ZNF407: variants seen among roughly 807,000 people sequenced by gnomAD.
ZNF407 encodes zinc finger protein 407.
ZNF407 carries 17 observed loss-of-function variants against 131.2 expected under a neutral mutation model. The ratio of observed to expected loss-of-function variants is 0.13; its 90% CI spans 0.09 to 0.19. ZNF407 has a LOEUF of 0.19. Among genes scored for constraint, ZNF407 ranks in the 10% least tolerant of loss-of-function variants. The pLI, the probability that ZNF407 is intolerant of heterozygous loss-of-function variation, is 1.00. For missense variants in ZNF407, 2,681 were observed against 2,830.6 expected, an observed-to-expected ratio of 0.95 and a Z score of 1.20; for synonymous variants, 1,156 against 1,062.0, an observed-to-expected ratio of 1.09 and a Z score of -1.72.
At chr18:74,766,132 C>G (rs982442693) in intron 3 of ZNF407, among the ~76,000 whole-genome samples, 10 of 151,894 alleles carry the variant, frequency 6.6e-5, no homozygotes, top group Non-Finnish European at 1.0e-4. Context: ...TGGTCTCATG[C>G]AACAATGGGA....
chr18:74,755,885 C>CTTCCTCTTTTCCTTCCT (rs1968946067), intron 3 of ZNF407, among the ~76,000 whole-genome samples: 14 of 25,844 alleles, frequency 5.4e-4, no homozygotes, highest in African/African-American at 2.8e-3. Context: ...CTTTTCCTTC[C>CTTCCTCTTTTCCTTCCT]TTTTTTTTTT....
chr18:75,000,604 A>G (rs1411397174), intron 8 of ZNF407, among the ~76,000 whole-genome samples: 4 of 152,226 alleles, frequency 2.6e-5, no homozygotes, highest in Non-Finnish European at 4.4e-5. Context: ...GGCTAAAGCA[A>G]TAACTATGCA....
At chr18:74,729,597 ATGC>A (rs1172581380) in intron 3 of ZNF407, among the ~76,000 whole-genome samples, 4 of 152,134 alleles carry the variant, frequency 2.6e-5, no homozygotes, top group Admixed American at 2.6e-4. Flanking sequence ...TATATAAAAT[ATGC>A]TGTGTTCTGT....
chr18:74,759,789 TCTTA>T (rs1352071602), intron 3 of ZNF407, among the ~76,000 whole-genome samples: 4 of 151,696 alleles, frequency 2.6e-5, no homozygotes, highest in East Asian at 1.9e-4. Flanking sequence ...TTCCTGTAGT[TCTTA>T]CTTATATTTT....
chr18:74,723,964 A>T (rs886644531), intron 3 of ZNF407, among the ~76,000 whole-genome samples: 1 of 151,982 alleles, frequency 6.6e-6, no homozygotes, highest in African/African-American at 2.4e-5. Context: ...TTTGTTTGGC[A>T]GAATCTCATT....
intron 8 of ZNF407, among the ~76,000 whole-genome samples, chr18:74,958,067 C>G (rs547357469): frequency 1.3e-5 from 2 of 152,178 alleles, no homozygotes; most frequent in African/African-American, 4.8e-5. Context: ...CCATAACCCA[C>G]GTCTCACTTA....
At chr18:74,679,125 A>G (rs1171757330) in intron 3 of ZNF407, among the ~76,000 whole-genome samples, 1 of 152,230 alleles carries the variant, frequency 6.6e-6, no homozygotes, top group Non-Finnish European at 1.5e-5. Flanking sequence ...TAGTCTTTGC[A>G]ATGACCTCAT....
chr18:74,826,936 G>A (rs1349284017), intron 4 of ZNF407, among the ~76,000 whole-genome samples: 2 of 152,220 alleles, frequency 1.3e-5, no homozygotes. Flanking sequence ...TTATAGAAAA[G>A]TTGTGAACAT....
At chr18:74,731,014 G>C (rs2144894942) in intron 3 of ZNF407, among the ~76,000 whole-genome samples, 1 of 152,254 alleles carries the variant, frequency 6.6e-6, no homozygotes, top group South Asian at 2.1e-4. Context: ...TGACTGTTCA[G>C]ACTTACACTT....
In ZNF407 at chr18:75,064,481, C is replaced by CTT. The variant is rs1455359270; in HGVS notation, c.*15_*16dup. On this transcript the variant is annotated 3_prime_UTR_variant, in exon 9 of 9. Transcript: ENST00000299687. ...CCAGGAAGCATGAGACGCGCGGCAC[C>CTT]TTTACTCAGCACAGGGCAGGTGTGG... 6.8e-7 allele frequency: 1 copy of CTT among 1,468,056 alleles called. No homozygotes were observed. Among genetic ancestry groups the CTT allele is most frequent in the African/African-American group, 1.4e-5 (1 of 70,658 alleles). The allele number at this position is 1,468,056 out of a possible 1,614,324, so 90.9% of individuals were successfully genotyped here.
intron 3 of ZNF407, among the ~76,000 whole-genome samples, chr18:74,663,341 A>G (rs948236763): frequency 6.6e-5 from 10 of 152,162 alleles, no homozygotes; most frequent in Non-Finnish European, 1.5e-4. Flanking sequence ...AGTATTATCA[A>G]TGTCTGGGAT....
intron 3 of ZNF407, among the ~76,000 whole-genome samples, chr18:74,723,762 C>T (rs1361834954): frequency 1.3e-5 from 2 of 152,114 alleles, no homozygotes; most frequent in African/African-American, 4.8e-5. Flanking sequence ...CAACTTTGGA[C>T]ATCTTCAGGA....
At chr18:75,009,653 T>C (rs1972951080) in intron 8 of ZNF407, among the ~76,000 whole-genome samples, 2 of 152,220 alleles carry the variant, frequency 1.3e-5, no homozygotes, top group Admixed American at 6.5e-5. Context: ...TTTCTACAAA[T>C]ATAAAATCAT....
intron 4 of ZNF407, among the ~76,000 whole-genome samples, chr18:74,783,315 T>C (rs895694735): frequency 6.6e-6 from 1 of 152,146 alleles, no homozygotes; most frequent in Non-Finnish European, 1.5e-5. Flanking sequence ...GATTGTGTAG[T>C]AAGAAGAAAA....
intron 3 of ZNF407, among the ~76,000 whole-genome samples, chr18:74,658,534 T>C (rs1985578259): frequency 1.3e-5 from 2 of 152,062 alleles, no homozygotes; most frequent in Non-Finnish European, 2.9e-5. Context: ...TTAGAGGGAG[T>C]GTGACTACCT....
intron 8 of ZNF407, among the ~76,000 whole-genome samples, chr18:75,029,220 G>C (rs75493979): frequency 0.02 from 2,990 of 152,280 alleles, 37 homozygotes; most frequent in Non-Finnish European, 0.025. Context: ...ATAAGGTAAA[G>C]TTCAGAAGAT....
At chr18:74,878,370 A>G (rs1971188714) in intron 5 of ZNF407, among the ~76,000 whole-genome samples, 1 of 152,160 alleles carries the variant, frequency 6.6e-6, no homozygotes, top group Non-Finnish European at 1.5e-5. Context: ...TAGAAATTAT[A>G]GGTTAAAAGT....
chr18:74,642,445 T>C (rs2019373427), intron 3 of ZNF407, among the ~76,000 whole-genome samples: 1 of 152,128 alleles, frequency 6.6e-6, no homozygotes, highest in South Asian at 2.1e-4. Context: ...AATTTGCTAT[T>C]AGGTGGCAGT....
At chr18:74,870,920 G>A (rs1396565121) in intron 4 of ZNF407, among the ~76,000 whole-genome samples, 1 of 152,186 alleles carries the variant, frequency 6.6e-6, no homozygotes, top group Non-Finnish European at 1.5e-5. Flanking sequence ...ATTTAATGTG[G>A]TTCTAGTGTC....
Sources: gnomAD v4.1 joint callset for allele counts (sites outside exome capture counted in the v4.1 genomes callset) on GRCh38, gnomAD v4.1.1 for gene constraint, MANE v1.5 for transcripts, NCBI Gene and HGNC (gene_info 2026-07-23, HGNC 2026-07-21) for gene names.